Variants in TBCK observed in about 807,000 individuals in gnomAD.
TBCK encodes TBC1 domain containing kinase.
Under a neutral mutation model 113.4 loss-of-function variants are expected in TBCK, and 99 were observed. That is an observed-to-expected ratio of 0.87 (90% CI 0.74 to 1.03). TBCK has a LOEUF of 1.03. TBCK is among the 50% of genes least tolerant of loss of function. The pLI, the probability that TBCK is intolerant of heterozygous loss-of-function variation, is 0.00. For synonymous variants in TBCK, 369 were observed against 370.8 expected (o/e 1.00, Z 0.05); for missense variants, 1,045 against 1,061.3 (o/e 0.98, Z 0.21).
chr4:106,211,714 A>C (rs181341288), intron 20 of TBCK, among the ~76,000 whole-genome samples: 77 of 152,228 alleles, frequency 5.1e-4, no homozygotes, highest in Non-Finnish European at 1.6e-4. Flanking sequence ...AAATGAAAAC[A>C]ATTAAAAATT....
rs547451718 is a variant in TBCK, at chr4:106,086,949, A to T, written c.2571+8533T>A. Among the ~76,000 whole-genome samples the T allele has an allele frequency of 5.9e-5, 9 of 152,320 alleles. No individual in the cohort carries two copies. The South Asian group carries it at 1.4e-3, about 25-fold the overall frequency. ...AACATATCTCAAAATAATAAGAGTT[A>T]TTTATGACAAACTCACAGCCAATTT... is the stretch of plus-strand genomic sequence containing the variant. On this transcript the variant is annotated intron_variant, in intron 25 of 25. Transcript: ENST00000394708.
chr4:106,130,047 G>C (rs749165086), intron 23 of TBCK, among the ~76,000 whole-genome samples: 16 of 152,078 alleles, frequency 1.1e-4, no homozygotes, highest in Admixed American at 2.6e-4. Flanking sequence ...GGTGGTAACA[G>C]GTCTGTAGCT....
intron 25 of TBCK, among the ~76,000 whole-genome samples, chr4:106,059,733 T>TA (rs905795842): frequency 7.9e-5 from 12 of 151,682 alleles, no homozygotes; most frequent in African/African-American, 2.7e-4. Flanking sequence ...TCACTTTAAA[T>TA]AAAAAATCTA....
At chr4:106,231,123 T>C (rs1331548442) in intron 18 of TBCK, among the ~76,000 whole-genome samples, 1 of 151,636 alleles carries the variant, frequency 6.6e-6, no homozygotes, top group Non-Finnish European at 1.5e-5. Context: ...TCAAGCTATA[T>C]ACAGTAACAC....
chr4:106,206,236 T>TGG (rs78975900), intron 20 of TBCK, among the ~76,000 whole-genome samples: 1 of 151,976 alleles, frequency 6.6e-6, no homozygotes, highest in African/African-American at 2.4e-5. Context: ...GAAACAGATG[T>TGG]GGGGGTAATG....
intron 23 of TBCK, among the ~76,000 whole-genome samples, chr4:106,127,972 C>T (rs1745434182): frequency 1.3e-5 from 2 of 152,106 alleles, no homozygotes; most frequent in South Asian, 4.1e-4. Context: ...CACGCGTACA[C>T]ACACATGCGT....
intron 5 of TBCK, among the ~76,000 whole-genome samples, chr4:106,258,552 T>C (rs1762216253): frequency 6.6e-6 from 1 of 152,096 alleles, no homozygotes; most frequent in South Asian, 2.1e-4. Context: ...ACAAGACCAA[T>C]TCTATCCAAG....
chr4:106,238,653 C>T (rs1759741026), intron 12 of TBCK: 1 of 152,142 alleles, frequency 6.6e-6, no homozygotes, highest in African/African-American at 2.4e-5. Context: ...CTTCCACTTT[C>T]TTATACAAAA....
At position 106,180,886 on chromosome 4, in the gene TBCK, G is replaced by C. The variant is rs1434468376; in HGVS notation, c.2060-9616C>G. ...TTGTAGAATGATTTATAATTCTTTG[G>C]GTATATACCCAGTAATGGGATTACT... On this transcript the variant is annotated intron_variant, in intron 22 of 25. Coordinates refer to ENST00000394708, the MANE Select transcript of TBCK (RefSeq NM_001163435.3). Among the ~76,000 whole-genome samples, 5 of 152,096 alleles carry C rather than the reference G, an allele frequency of 3.3e-5. No homozygotes were observed. The East Asian group carries it at 9.7e-4, about 29-fold the overall frequency.
At chr4:106,254,498 T>C (rs1334465930) in intron 5 of TBCK, among the ~76,000 whole-genome samples, 1 of 152,230 alleles carries the variant, frequency 6.6e-6, no homozygotes, top group Non-Finnish European at 1.5e-5. Context: ...TTTTGTCTTT[T>C]CTTTCTCTTT....
chr4:106,195,946 C>T (rs1754183979), intron 20 of TBCK, among the ~76,000 whole-genome samples: 1 of 151,756 alleles, frequency 6.6e-6, no homozygotes, highest in Non-Finnish European at 1.5e-5. Flanking sequence ...TAATACAGTC[C>T]TCATAAGTTT....
intron 22 of TBCK, among the ~76,000 whole-genome samples, chr4:106,191,040 C>G (rs1211531593): frequency 6.6e-6 from 1 of 152,158 alleles, no homozygotes. Context: ...ATGGATTTAA[C>G]CAATTGCTCA....
intron 23 of TBCK, among the ~76,000 whole-genome samples, chr4:106,117,907 G>A (rs1228627468): frequency 6.6e-6 from 1 of 151,966 alleles, no homozygotes; most frequent in Admixed American, 6.6e-5. Flanking sequence ...TACTTGGGAG[G>A]CTGAGACAGG....
chr4:106,231,167 C>T (rs1028722314), intron 18 of TBCK, among the ~76,000 whole-genome samples: 42 of 150,804 alleles, frequency 2.8e-4, no homozygotes, highest in African/African-American at 9.7e-4. Context: ...TGGAGTTAAT[C>T]GAATTTAGTA....
chr4:106,295,209 A>T (rs754455138), intron 2 of TBCK, 43 bp from the exon 3 acceptor site: 1 of 1,575,908 alleles, frequency 6.3e-7, no homozygotes, highest in South Asian at 1.1e-5. Flanking sequence ...TTATCAATAC[A>T]ACATGTTAAA....
chr4:106,267,511 TATTC>T (rs1305622600), intron 3 of TBCK, among the ~76,000 whole-genome samples: 1 of 151,928 alleles, frequency 6.6e-6, no homozygotes, highest in Non-Finnish European at 1.5e-5. Context: ...AGATAAGAAT[TATTC>T]ATCATTTTCC....
intron 9 of TBCK, 166 bp from the exon 10 acceptor site, chr4:106,247,453 CAAAT>C: frequency 1.7e-6 from 1 of 572,030 alleles, no homozygotes; most frequent in South Asian, 2.5e-5. Context: ...ATATTATAAT[CAAAT>C]AACTGTGAGT....
At chr4:106,261,386 A>C (rs1402789019) in intron 4 of TBCK, among the ~76,000 whole-genome samples, 4 of 151,990 alleles carry the variant, frequency 2.6e-5, no homozygotes, top group Admixed American at 1.3e-4. Context: ...GGGCTCAAGC[A>C]ATGTTCTCAT....
At chr4:106,197,079 G>A (rs1353918830) in intron 20 of TBCK, among the ~76,000 whole-genome samples, 2 of 152,026 alleles carry the variant, frequency 1.3e-5, no homozygotes, top group Admixed American at 6.6e-5. Context: ...ACCTGAGAGA[G>A]GAGAAACAAA....
Sources: allele counts gnomAD v4.1 joint callset (sites outside exome capture counted in the v4.1 genomes callset), GRCh38; gene constraint gnomAD v4.1.1; transcripts MANE v1.5; gene names NCBI Gene and HGNC (gene_info 2026-07-23, HGNC 2026-07-21).